The following TROAP variants were observed in gnomAD, a reference collection of about 807,000 sequenced individuals.
TROAP encodes tastin.
TROAP carries 62 observed loss-of-function variants against 83.4 expected under a neutral mutation model. That is an observed-to-expected ratio of 0.74 (90% CI 0.61 to 0.92). The LOEUF is 0.92. Among genes scored for constraint, TROAP ranks in the 40% least tolerant of loss-of-function variants. The pLI is 0.00. For missense variants in TROAP, 876 were observed against 985.1 expected (o/e 0.89, Z 1.48); for synonymous variants, 352 against 386.4 (o/e 0.91, Z 1.04).
At chr12:49,324,330 G>C (rs1399349811) in intron 3 of TROAP, 1 of 698,382 alleles carries the variant, frequency 1.4e-6, no homozygotes, top group Non-Finnish European at 2.5e-6. Flanking sequence ...GACAGAGGGA[G>C]ATCCCATCTC....
chr12:49,327,138 A>G, intron 7 of TROAP, 71 bp from the exon 8 acceptor site: 2 of 1,593,010 alleles, frequency 1.3e-6, no homozygotes, highest in Non-Finnish European at 1.7e-6. Context: ...CCTCTTCAGA[A>G]GTTGCAGAAC....
At chr12:49,327,093 C>T in intron 7 of TROAP, 116 bp from the exon 8 acceptor site, 1 of 1,320,060 alleles carries the variant, frequency 7.6e-7, no homozygotes, top group South Asian at 1.3e-5. Flanking sequence ...GTTCCTGTCC[C>T]TAATAGTGCA....
rs1204051485 is a variant in TROAP at position 49,323,663 on chromosome 12, C to G, written c.55C>G (p.Pro19Ala). The part of the protein sequence containing the change: ...DPLLRGVSPT[P>A]SKIPVRSQKR... ...CCTCCTCCGGGGTGTATCTCCTACC[C>G]CTAGCAAGATTCCGGTACGCTCTCA... Residue 19 changes from proline (P) to alanine (A), a missense_variant, in exon 2 of 15, where the codon CCT (proline) becomes GCT (alanine). This residue lies in a region of TROAP where 689 missense variants were observed against 722.6 expected (regional missense o/e 0.95). Coordinates refer to ENST00000257909, the MANE Select transcript of TROAP (RefSeq NM_005480.4). 6.2e-7 allele frequency: 1 copy of G among 1,614,030 alleles called. No homozygotes were observed. The highest frequency in any genetic ancestry group is 1.3e-5 in the African/African-American group (1 of 74,906).
chr12:49,323,657 C>T lies in TROAP; in HGVS notation c.49C>T (p.Pro17Ser), dbSNP rs956764824. The T allele has an allele frequency of 6.2e-7, 1 of 1,614,128 alleles. No homozygotes were observed. Among genetic ancestry groups the T allele is most frequent in the African/African-American group, 1.3e-5 (1 of 75,016 alleles). The change falls in exon 2 of 15, where the codon CCT becomes TCT. Residue 17 changes from proline to serine, a missense_variant. Pro to Ser is a moderately conservative substitution (Grantham distance 74). Coordinates refer to ENST00000257909, the MANE Select transcript of TROAP (RefSeq NM_005480.4). ...TKDPLLRGVS[P>S]TPSKIPVRSQ... ...GGATCCCCTCCTCCGGGGTGTATCTCCTACCCCTAGCAAGATTCCGGTACG... is the reference window on the plus strand; with the variant it reads ...GGATCCCCTCCTCCGGGGTGTATCTTCTACCCCTAGCAAGATTCCGGTACG...
In TROAP at chr12:49,330,872, C is replaced by T; in HGVS notation, c.2027C>T (p.Ser676Phe). ...GCAACCACCAGCCTGATCTTCTCTT[C>T]CCAACACCCGCTTTGTGCCAGCCCC... ...APATTSLIFS[S>F]QHPLCASPPI... The change falls in exon 13 of 15, where the codon TCC (serine) becomes TTC (phenylalanine). Residue 676 changes from serine to phenylalanine, a missense_variant. Coordinates refer to ENST00000257909, the MANE Select transcript of TROAP (RefSeq NM_005480.4). 6.2e-7 allele frequency: 1 copy of T among 1,613,042 alleles called. No homozygotes were observed. The highest frequency in any genetic ancestry group is 2.2e-5 in the East Asian group (1 of 44,882).
intron 7 of TROAP, 72 bp from the exon 8 acceptor site, chr12:49,327,137 A>C: frequency 6.3e-7 from 1 of 1,591,842 alleles, no homozygotes; most frequent in South Asian, 1.1e-5. Flanking sequence ...CCCTCTTCAG[A>C]AGTTGCAGAA....
chr12:49,324,380 T>G (rs971764859), intron 3 of TROAP: 5 of 511,742 alleles, frequency 9.8e-6, no homozygotes, highest in African/African-American at 7.9e-5. Context: ...AAATATCACT[T>G]CTTCTGAAGC....
intron 6 of TROAP, 71 bp downstream of exon 6, chr12:49,326,229 C>T (rs1943499206): frequency 1.3e-6 from 2 of 1,517,856 alleles, no homozygotes; most frequent in Non-Finnish European, 9.1e-7. Context: ...CAGGAGTCCC[C>T]CAGAGTTGGG....
At chr12:49,323,774 A>G (rs1486966935) in intron 2 of TROAP, 22 bp downstream of exon 2, 1 of 1,613,902 alleles carries the variant, frequency 6.2e-7, no homozygotes, top group Non-Finnish European at 8.5e-7. Context: ...CTAATGGGGG[A>G]AGACAGTAGT....
At chr12:49,325,142 C>T (rs1478754482) in intron 3 of TROAP, among the ~76,000 whole-genome samples, 2 of 151,900 alleles carry the variant, frequency 1.3e-5, no homozygotes, top group African/African-American at 4.8e-5. Context: ...TGGTCTCAAA[C>T]TCCTGACCTC....
chr12:49,325,645 C>T lies in TROAP; in HGVS notation c.482C>T (p.Thr161Ile). 1 of 1,613,672 alleles carries T rather than the reference C, an allele frequency of 6.2e-7. No homozygotes were observed. ...GTTCGAGGAAGTCAGGGAGGCACCA[C>T]CCAGAGGGTCCAGGTAATGAAACAG... The part of the protein sequence containing the change: ...VLVRGSQGGT[T>I]QRVQGVRASA... Residue 161 changes from threonine to isoleucine, a missense_variant, in exon 4 of 15, where the codon ACC becomes ATC. By Grantham distance (89) the Thr-to-Ile change is moderately conservative (BLOSUM62 -1). Transcript: ENST00000257909.
chr12:49,330,453 C>T lies in TROAP; in HGVS notation c.1608C>T (p.Pro536=), dbSNP rs757654733. 3.1e-6 allele frequency: 5 copies of T among 1,614,142 alleles called. No individual in the cohort carries two copies. The South Asian group carries it at 5.5e-5, about 18-fold the overall frequency. Residue 536 remains proline, a synonymous_variant, in exon 13 of 15, where the codon CCC becomes CCT. Transcript: ENST00000257909. Reference sequence around the variant, plus strand: ...GGAGTGAGCCTGAGATACCAGAGCCCTCCCTCCAGGAACAGCTTGAAGTAC... The same window carrying T: ...GGAGTGAGCCTGAGATACCAGAGCCTTCCCTCCAGGAACAGCTTGAAGTAC... The part of the protein sequence containing the change: ...FCRSEPEIPE[P]SLQEQLEVPE...
chr12:49,331,481 G>A, intron 14 of TROAP, 74 bp downstream of exon 14: 1 of 1,610,416 alleles, frequency 6.2e-7, no homozygotes, highest in Non-Finnish European at 8.5e-7. Flanking sequence ...GGGACAGGGG[G>A]CCACCTGGGC....
chr12:49,329,214 A>G lies in TROAP; in HGVS notation c.1074A>G (p.Thr358=). The change falls in exon 10 of 15, where the codon ACA becomes ACG. Residue 358 remains threonine, a synonymous_variant. Coordinates refer to ENST00000257909, the MANE Select transcript of TROAP (RefSeq NM_005480.4). This position sits in a 1 kb window ranked among gnomAD's most constrained non-coding sequence, Gnocchi z 4.5. ...CCGTTCAACCTAAAACCCGGTTCAC[A>G]CCCATGCCATCAACCCCCAGAGTTC... ...RLTVQPKTRF[T]PMPSTPRVQQ... is the part of the protein sequence containing the mutation. 6.2e-7 allele frequency: 1 copy of G among 1,614,150 alleles called. No individual in the cohort carries two copies. Among genetic ancestry groups the G allele is most frequent in the East Asian group, 2.2e-5 (1 of 44,882 alleles).
At chr12:49,325,354 C>A (rs1177613373) in intron 3 of TROAP, 147 bp from the exon 4 acceptor site, 3 of 802,492 alleles carry the variant, frequency 3.7e-6, no homozygotes, top group Non-Finnish European at 5.6e-6. Flanking sequence ...CTGCACCCAG[C>A]CATCTATTTC....
chr12:49,327,269 C>A lies in TROAP; in HGVS notation c.830C>A (p.Ala277Asp). The A allele has an allele frequency of 6.2e-7, 1 of 1,614,196 alleles. No homozygotes were observed. ...VVTHSDEGGV[A>D]SLGLAQRVPL... ...ACTCACTCAGATGAAGGAGGTGTGG[C>A]CTCTCTTGGTCTGGCCCAGCGAGTA... is the stretch of plus-strand genomic sequence containing the variant. Residue 277 changes from alanine (A) to aspartate (D), a missense_variant, in exon 8 of 15, where the codon GCC becomes GAC. Physicochemically the swap from Ala to Asp is moderately radical, Grantham distance 126 (BLOSUM62 -2). Around this residue, in one of 3 missense-constraint regions of TROAP, gnomAD observed 689 missense variants for 722.6 expected, o/e 0.95. Transcript: ENST00000257909.
intron 3 of TROAP, chr12:49,324,500 A>G (rs1487369389): frequency 3.8e-6 from 1 of 263,994 alleles, no homozygotes; most frequent in Non-Finnish European, 7.0e-6. Context: ...ACCTGTCTAT[A>G]GTTTGATGAT....
intron 7 of TROAP, 38 bp from the exon 8 acceptor site, chr12:49,327,171 G>T: frequency 6.2e-7 from 1 of 1,612,370 alleles, no homozygotes; most frequent in Non-Finnish European, 8.5e-7. Flanking sequence ...TTTGGTGGGT[G>T]TTCTAGAGTC....
In TROAP at chr12:49,327,377, G is replaced by A. The variant is rs762674882; in HGVS notation, c.891+47G>A. On this transcript the variant is annotated intron_variant, in intron 8 of 14. Transcript: ENST00000257909. ...ATGGTGGGTGGGAGGTGCAGGAGTT[G>A]CTTGGAAGAATTTTGCTGCAGCAGC... The A allele has an allele frequency of 7.5e-6, 12 of 1,596,326 alleles. No individual in the cohort carries two copies. The African/African-American group carries it at 1.5e-4, about 20-fold the overall frequency.
Sources: allele counts gnomAD v4.1 joint callset (sites outside exome capture counted in the v4.1 genomes callset), GRCh38; gene constraint gnomAD v4.1.1; regional missense constraint gnomAD v4.1.1; non-coding constraint Gnocchi (gnomAD v3.1); transcripts MANE v1.5; gene names NCBI Gene and HGNC (gene_info 2026-07-23, HGNC 2026-07-21).